Variants in SMURF2 observed in about 807,000 individuals in gnomAD.
SMURF2 encodes E3 ubiquitin-protein ligase SMURF2.
Under a neutral mutation model 109.6 loss-of-function variants are expected in SMURF2, and 48 were observed. That is an observed-to-expected ratio of 0.44 (90% CI 0.35 to 0.56). The LOEUF is 0.56. Ranked by LOEUF, SMURF2 falls within the 20% of genes least tolerant of loss-of-function variation. SMURF2 has a pLI of 0.01. For missense variants in SMURF2, 575 were observed against 909.0 expected (o/e 0.63, Z 4.72); for synonymous variants, 288 against 317.1 (o/e 0.91, Z 0.97).
rs1968948123 is a variant in SMURF2, at chr17:64,545,939, C to T, written c.2156G>A (p.Arg719Gln). 5.0e-6 allele frequency: 8 copies of T among 1,602,914 alleles called. No homozygotes were observed. The highest frequency in any genetic ancestry group is 6.8e-6 in the Non-Finnish European group (8 of 1,169,948). Residue 719 changes from arginine (R) to glutamine (Q), a missense_variant, in exon 19 of 19, where the codon CGA (arginine) becomes CAA (glutamine). By Grantham distance (43) the Arg-to-Gln change is conservative. This residue lies in a region of SMURF2 where 361 missense variants were observed against 612.1 expected (regional missense o/e 0.59). Transcript: ENST00000262435. ...GCTTTCATAGGGTGGAATGTCTATTCGATTGAAGCTGTGAATAAGCAAATC... is the reference window on the plus strand; with the variant it reads ...GCTTTCATAGGGTGGAATGTCTATTTGATTGAAGCTGTGAATAAGCAAATC... ...NLPKAHTCFNRIDIPPYESYE... is the reference protein window; with the variant it reads ...NLPKAHTCFNQIDIPPYESYE...
intron 5 of SMURF2, among the ~76,000 whole-genome samples, chr17:64,587,402 T>C (rs1969679093): frequency 6.6e-6 from 1 of 152,158 alleles, no homozygotes; most frequent in African/African-American, 2.4e-5. Flanking sequence ...AAACACTTAA[T>C]ATACTTAAGG....
intron 1 of SMURF2, among the ~76,000 whole-genome samples, chr17:64,633,466 A>T (rs1555691815): frequency 2.6e-5 from 4 of 152,228 alleles, no homozygotes; most frequent in Admixed American, 1.3e-4. Flanking sequence ...ATTCCATCCC[A>T]GGTGAAAATG....
chr17:64,655,254 T>A (rs1224378574), intron 1 of SMURF2, among the ~76,000 whole-genome samples: 3 of 92,190 alleles, frequency 3.3e-5, no homozygotes, highest in African/African-American at 3.0e-4. Context: ...TGAAATGTCT[T>A]TTTTTTTTTT....
At position 64,566,561 on chromosome 17, in the gene SMURF2, G is replaced by GTTTTTTTTTTTTTTTTTTTTTTTTTT. The variant is rs1164717270; in HGVS notation, c.1017-3621_1017-3596dup. On this transcript the variant is annotated intron_variant, in intron 10 of 18. Coordinates refer to ENST00000262435, the MANE Select transcript of SMURF2 (RefSeq NM_022739.4). Reference sequence around the variant, plus strand: ...GATGTAGAAATGCTTAAGCTTTCTGGTTTTTTTTTTTTTTTTTTTTTTTTT... The same window carrying GTTTTTTTTTTTTTTTTTTTTTTTTTT: ...GATGTAGAAATGCTTAAGCTTTCTGGTTTTTTTTTTTTTTTTTTTTTTTTTTTTTTTTTTTTTTTTTTTTTTTTTTT... Among the ~76,000 whole-genome samples the GTTTTTTTTTTTTTTTTTTTTTTTTTT allele has an allele frequency of 1.3e-3, 57 of 43,798 alleles. 19 individuals are homozygous for GTTTTTTTTTTTTTTTTTTTTTTTTTT. Among genetic ancestry groups the GTTTTTTTTTTTTTTTTTTTTTTTTTT allele is most frequent in the Non-Finnish European group, 1.9e-3 (45 of 23,540 alleles). The allele number at this position is 43,798 out of a possible 152,430, so 28.7% of individuals were successfully genotyped here.
At chr17:64,595,785 A>G (rs1568188370) in intron 3 of SMURF2, among the ~76,000 whole-genome samples, 1 of 152,218 alleles carries the variant, frequency 6.6e-6, no homozygotes, top group African/African-American at 2.4e-5. Context: ...GTCATGATGC[A>G]CCTCAAAACC....
intron 3 of SMURF2, among the ~76,000 whole-genome samples, chr17:64,597,704 C>CA (rs1555688212): frequency 6.7e-6 from 1 of 149,566 alleles, no homozygotes; most frequent in Non-Finnish European, 1.5e-5. Context: ...ACTCAGGAGA[C>CA]AGAGATTGCA....
intron 1 of SMURF2, among the ~76,000 whole-genome samples, chr17:64,622,996 G>C (rs1288588755): frequency 2.0e-5 from 3 of 151,924 alleles, no homozygotes; most frequent in African/African-American, 7.3e-5. Context: ...TTATTTTATT[G>C]CTCAAATTTT....
chr17:64,557,435 T>C (rs529577676), intron 13 of SMURF2, among the ~76,000 whole-genome samples, 173 bp downstream of exon 13: 16 of 152,258 alleles, frequency 1.1e-4, no homozygotes, highest in Middle Eastern at 3.4e-3. Context: ...TGTTTCCAAA[T>C]TGGTGCATAT....
At chr17:64,606,764 A>G (rs1423872669) in intron 1 of SMURF2, 124 bp from the exon 2 acceptor site, 2 of 637,130 alleles carry the variant, frequency 3.1e-6, no homozygotes, top group African/African-American at 3.8e-5. Flanking sequence ...GGTATGAAAC[A>G]TGACCACAAA....
chr17:64,550,591 C>T (rs1555683514), intron 16 of SMURF2, among the ~76,000 whole-genome samples: 1 of 152,038 alleles, frequency 6.6e-6, no homozygotes, highest in Non-Finnish European at 1.5e-5. Flanking sequence ...GCCAGCCTGG[C>T]CAACATGGTG....
intron 5 of SMURF2, among the ~76,000 whole-genome samples, chr17:64,587,371 T>C (rs1969678858): frequency 6.6e-6 from 1 of 152,118 alleles, no homozygotes; most frequent in Non-Finnish European, 1.5e-5. Context: ...AGTAACTAGT[T>C]TAGCACTGTA....
At chr17:64,570,356 G>A (rs1969380407) in intron 10 of SMURF2, among the ~76,000 whole-genome samples, 1 of 152,222 alleles carries the variant, frequency 6.6e-6, no homozygotes, top group Non-Finnish European at 1.5e-5. Context: ...AGGGGTCAGA[G>A]TGAACCTTGC....
At chr17:64,551,206 C>A (rs1969040597) in intron 16 of SMURF2, among the ~76,000 whole-genome samples, 2 of 151,760 alleles carry the variant, frequency 1.3e-5, no homozygotes, top group South Asian at 4.2e-4. Context: ...CCAAAAAAAA[C>A]AAAAAAATTA....
chr17:64,600,690 C>T (rs115741285), intron 2 of SMURF2, among the ~76,000 whole-genome samples: 1 of 152,162 alleles, frequency 6.6e-6, no homozygotes, highest in Non-Finnish European at 1.5e-5. Context: ...CATAGTATTT[C>T]AGTAACACCT....
intron 1 of SMURF2, among the ~76,000 whole-genome samples, chr17:64,620,540 T>C (rs1377682688): frequency 1.3e-5 from 2 of 152,194 alleles, no homozygotes; most frequent in African/African-American, 4.8e-5. Context: ...CATAATGTTC[T>C]TCCCACCTTA....
At chr17:64,622,473 T>C (rs1970219458) in intron 1 of SMURF2, among the ~76,000 whole-genome samples, 1 of 152,216 alleles carries the variant, frequency 6.6e-6, no homozygotes, top group Non-Finnish European at 1.5e-5. Flanking sequence ...GCTGTAATAG[T>C]TTCTCTGGCT....
rs116832403 is a variant in SMURF2, at chr17:64,568,663, C to A, written c.1016+3135G>T. ...TAGAGTGCTCCAACATCTTTTATTC[C>A]TTATCATCTCCCCAAATTCCAATTT... On this transcript the variant is annotated intron_variant, in intron 10 of 18. Coordinates refer to ENST00000262435, the MANE Select transcript of SMURF2 (RefSeq NM_022739.4). Among the ~76,000 whole-genome samples the A allele has an allele frequency of 8.0e-3, 1,218 of 152,154 alleles. 17 individuals carry two copies. Among genetic ancestry groups the A allele is most frequent in the African/African-American group, 0.028 (1,154 of 41,500 alleles).
intron 10 of SMURF2, among the ~76,000 whole-genome samples, chr17:64,568,503 G>A (rs1344299843): frequency 1.3e-5 from 2 of 152,282 alleles, no homozygotes; most frequent in Admixed American, 6.5e-5. Flanking sequence ...CATTTGTCAA[G>A]TACTTTGGGT....
chr17:64,587,015 T>G (rs1399448947), intron 5 of SMURF2, among the ~76,000 whole-genome samples: 1 of 151,258 alleles, frequency 6.6e-6, no homozygotes, highest in Non-Finnish European at 1.5e-5. Flanking sequence ...TACAAAAAAT[T>G]AGCCGGGTGA....
Sources: allele counts gnomAD v4.1 joint callset (sites outside exome capture counted in the v4.1 genomes callset), GRCh38; gene constraint gnomAD v4.1.1; regional missense constraint gnomAD v4.1.1; transcripts MANE v1.5; gene names NCBI Gene and HGNC (gene_info 2026-07-23, HGNC 2026-07-21).